Variants in HYDIN observed in about 807,000 individuals in gnomAD.
HYDIN encodes axonemal central pair apparatus protein HYDIN.
Under a neutral mutation model 403.9 loss-of-function variants are expected in HYDIN, and 132 were observed. The ratio of observed to expected loss-of-function variants is 0.33; its 90% confidence interval spans 0.28 to 0.38. HYDIN has a LOEUF of 0.38. Among genes scored for constraint, HYDIN ranks in the 10% least tolerant of loss-of-function variants. The pLI is 1.00. For missense variants in HYDIN, 2,827 were observed against 5,009.5 expected (o/e 0.56, Z 13.15); for synonymous variants, 1,202 against 1,891.7 (o/e 0.64, Z 9.46).
intron 75 of HYDIN, among the ~76,000 whole-genome samples, chr16:70,849,511 T>C (rs1363993359): frequency 6.6e-6 from 1 of 152,208 alleles, no homozygotes; most frequent in African/African-American, 2.4e-5. Context: ...GTGAATGTAT[T>C]ACAATATAAT....
chr16:71,184,998 G>C lies in HYDIN; in HGVS notation c.136-8C>G. The C allele has an allele frequency of 6.3e-7, 1 of 1,579,694 alleles. No homozygotes were observed. The highest frequency in any genetic ancestry group is 8.6e-7 in the Non-Finnish European group (1 of 1,160,064). On this transcript the variant is annotated splice_polypyrimidine_tract_variant and splice_region_variant and intron_variant, in intron 2 of 85. Transcript: ENST00000393567. Reference sequence around the variant, plus strand: ...GAACTCTGAGGGTGTAAGCTAGAATGTAAAACAATAAGAACCAAAGATTCT... The same window carrying C: ...GAACTCTGAGGGTGTAAGCTAGAATCTAAAACAATAAGAACCAAAGATTCT...
At chr16:71,152,189 A>G (rs1009312774) in intron 7 of HYDIN, among the ~76,000 whole-genome samples, 2 of 150,568 alleles carry the variant, frequency 1.3e-5, no homozygotes, top group Non-Finnish European at 3.0e-5. Context: ...GACACCAGTT[A>G]GGGGGATTTC....
At chr16:70,992,017 G>A (rs547600556) in intron 24 of HYDIN, 53 bp downstream of exon 24, 49 of 1,610,150 alleles carry the variant, frequency 3.0e-5, no homozygotes, top group African/African-American at 8.0e-5. Context: ...ATGTAAGTCC[G>A]TGTAAAGAAA....
At chr16:70,850,702 C>G (rs1192543054) in intron 73 of HYDIN, 47 bp from the exon 74 acceptor site, 1 of 1,306,472 alleles carries the variant, frequency 7.7e-7, no homozygotes, top group Admixed American at 2.1e-5. Context: ...GCCAACTTGT[C>G]AAAACCTTAA....
intron 45 of HYDIN, among the ~76,000 whole-genome samples, chr16:70,928,606 A>G (rs960762149): frequency 7.0e-6 from 1 of 142,132 alleles, no homozygotes; most frequent in Non-Finnish European, 1.6e-5. Context: ...TTAACACACT[A>G]TTTAGTCAAG....
chr16:70,920,477 A>G lies in HYDIN; in HGVS notation c.7785+114T>C. On this transcript the variant is annotated intron_variant, in intron 46 of 85. Transcript: ENST00000393567. Reference sequence around the variant, plus strand: ...TCTTAATTCCAAGGGGGCATTAGAGATGCATGCAGTTGAGGGGATATGGGT... The same window carrying G: ...TCTTAATTCCAAGGGGGCATTAGAGGTGCATGCAGTTGAGGGGATATGGGT... 3 of 668,058 alleles carry G rather than the reference A, an allele frequency of 4.5e-6. No homozygotes were observed. In the South Asian group the frequency reaches 6.1e-5, roughly 14 times the overall value. The allele number at this position is 668,058 out of a possible 1,614,324, so 41.4% of individuals were successfully genotyped here.
chr16:70,817,970 G>A (rs969250490), intron 84 of HYDIN, among the ~76,000 whole-genome samples: 15 of 152,256 alleles, frequency 9.9e-5, no homozygotes, highest in East Asian at 1.9e-4. Flanking sequence ...TCAAACTCCT[G>A]ACCTCAAGTG....
intron 23 of HYDIN, among the ~76,000 whole-genome samples, chr16:71,006,697 G>T (rs543917658): frequency 6.6e-6 from 1 of 151,616 alleles, no homozygotes; most frequent in East Asian, 1.9e-4. Context: ...ACCACCCAGA[G>T]GATCCTTCCC....
chr16:70,805,208 T>C lies in HYDIN; in HGVS notation c.*2372A>G, dbSNP rs960028679. Among the ~76,000 whole-genome samples, 1 of 152,226 alleles carries C rather than the reference T, an allele frequency of 6.6e-6. No individual in the cohort carries two copies. Among genetic ancestry groups the C allele is most frequent in the African/African-American group, 2.4e-5 (1 of 41,450 alleles). ...TCTCAGGACTGTAATGAAAGAGTTA[T>C]GGCTGTGGGTTTGGCAAATGTCAAG... is the stretch of plus-strand genomic sequence containing the variant. On this transcript the variant is annotated 3_prime_UTR_variant, in exon 86 of 86. Coordinates refer to ENST00000393567, the MANE Select transcript of HYDIN (RefSeq NM_001270974.2).
rs935381664 is a variant in HYDIN at position 70,946,192 on chromosome 16, G to A, written c.6532-2243C>T. Among the ~76,000 whole-genome samples, 6 of 144,146 alleles carry A rather than the reference G, an allele frequency of 4.2e-5. No homozygotes were observed. In the East Asian group the frequency reaches 6.0e-4, roughly 14 times the overall value. 94.6% of individuals were successfully genotyped at this position (144,146 alleles called of 152,430 possible). A position where few individuals can be genotyped will look rare whatever the true frequency, so the allele number is the denominator to read the frequency against. ...AAGGCAGGGCAGACACTCAGCTGTCGAGAAGGCACAGCCCTGTGTGTGGAT... is the reference window on the plus strand; with the variant it reads ...AAGGCAGGGCAGACACTCAGCTGTCAAGAAGGCACAGCCCTGTGTGTGGAT... On this transcript the variant is annotated intron_variant, in intron 41 of 85. Transcript: ENST00000393567.
chr16:71,004,814 T>C (rs2079843582), intron 23 of HYDIN, among the ~76,000 whole-genome samples: 1 of 152,118 alleles, frequency 6.6e-6, no homozygotes, highest in African/African-American at 2.4e-5. Flanking sequence ...ATTTCTTAAA[T>C]CATTGGATGA....
chr16:70,807,433 G>T lies in HYDIN; in HGVS notation c.*147C>A. The T allele has an allele frequency of 2.4e-6, 2 of 825,524 alleles. No individual in the cohort carries two copies. The highest frequency in any genetic ancestry group is 3.7e-6 in the Non-Finnish European group (2 of 535,642). The allele number at this position is 825,524 out of a possible 1,614,324, so 51.1% of individuals were successfully genotyped here. A position where few individuals can be genotyped will look rare whatever the true frequency, so the allele number is the denominator to read the frequency against. ...GAATAGATATTTCATATCTATATTT[G>T]GAAAACACATAATAGGGAAATAACT... On this transcript the variant is annotated 3_prime_UTR_variant, in exon 86 of 86. Coordinates refer to ENST00000393567, the MANE Select transcript of HYDIN (RefSeq NM_001270974.2).
Position 70,994,940 on chromosome 16 carries a change from A to G in HYDIN, c.3645-2730T>C, listed in dbSNP as rs1449608628. 3.3e-5 allele frequency among the ~76,000 whole-genome samples: 5 copies of G among 150,326 alleles called. No homozygotes were observed. The East Asian group carries it at 9.8e-4, about 29-fold the overall frequency. ...CACCCCTGTGGGATGTGCTGCATAAAGAGAAAACAAATGGGAATTTCTGTA... is the reference window on the plus strand; with the variant it reads ...CACCCCTGTGGGATGTGCTGCATAAGGAGAAAACAAATGGGAATTTCTGTA... On this transcript the variant is annotated intron_variant, in intron 23 of 85. Transcript: ENST00000393567.
intron 78 of HYDIN, among the ~76,000 whole-genome samples, chr16:70,834,948 ATGTATATATATACACACATATATGTG>A (rs1342079825): frequency 2.7e-5 from 4 of 146,812 alleles, no homozygotes; most frequent in Non-Finnish European, 5.9e-5. Flanking sequence ...ACACACATAT[ATGTATATATATACACACATATATGTG>A]TGTATATATA....
In HYDIN at chr16:71,064,850, G is replaced by A. The variant is rs2082204800; in HGVS notation, c.2076-10C>T. 1 of 1,607,664 alleles carries A rather than the reference G, an allele frequency of 6.2e-7. No homozygotes were observed. Among genetic ancestry groups the A allele is most frequent in the Admixed American group, 1.7e-5 (1 of 58,536 alleles). ...GGCAGGTACAACACACCTGCTCGGA[G>A]GAGCCCATCACACAATTCAAAACAG... On this transcript the variant is annotated splice_polypyrimidine_tract_variant and intron_variant, in intron 15 of 85. Coordinates refer to ENST00000393567, the MANE Select transcript of HYDIN (RefSeq NM_001270974.2).
At chr16:71,207,640 G>A (rs1208488890) in intron 1 of HYDIN, among the ~76,000 whole-genome samples, 1 of 152,146 alleles carries the variant, frequency 6.6e-6, no homozygotes, top group Non-Finnish European at 1.5e-5. Context: ...GCTGAATGAA[G>A]AAGCAAGACC....
At chr16:71,130,470 GTTTTTTTTTTT>G (rs56853905) in intron 8 of HYDIN, among the ~76,000 whole-genome samples, 990 of 75,858 alleles carry the variant, frequency 0.013, 18 homozygotes, top group African/African-American at 0.042. Flanking sequence ...ATATATACCG[GTTTTTTTTTTT>G]TTTTTTTTTT....
chr16:70,938,815 C>G, intron 43 of HYDIN, 60 bp from the exon 44 acceptor site: 2 of 1,594,536 alleles, frequency 1.3e-6, no homozygotes, highest in Admixed American at 3.4e-5. Flanking sequence ...CGCTAGCAGC[C>G]TAAGCAGGCG....
chr16:71,230,561 C>G lies in HYDIN; in HGVS notation c.-24+1G>C. 2 of 1,534,334 alleles carry G rather than the reference C, an allele frequency of 1.3e-6. No individual in the cohort carries two copies. On this transcript the variant is annotated splice_donor_variant, in intron 1 of 85. Coordinates refer to ENST00000393567, the MANE Select transcript of HYDIN (RefSeq NM_001270974.2). LOFTEE classifies it low-confidence loss of function (5UTR_SPLICE). ...CCACAATCTCTGCGAGGACCTCTGA[C>G]CTTGGTGCACTCCGGGTCCCACGTT... is the stretch of plus-strand genomic sequence containing the variant.
Sources: gnomAD v4.1 joint callset for allele counts (sites outside exome capture counted in the v4.1 genomes callset) on GRCh38, gnomAD v4.1.1 for gene constraint, MANE v1.5 for transcripts, NCBI Gene and HGNC (gene_info 2026-07-23, HGNC 2026-07-21) for gene names.